Variants in SAMMSON observed in about 807,000 individuals in gnomAD.
SAMMSON encodes survival associated mitochondrial melanoma specific oncogenic non-coding RNA, also known as long intergenic non-protein coding RNA 1212.
chr3:70,049,632 CATT>C (rs1422466300), intron 3 of SAMMSON, among the ~76,000 whole-genome samples: 3 of 152,206 alleles, frequency 2.0e-5, no homozygotes, highest in South Asian at 4.1e-4. Flanking sequence ...TTATTATCAT[CATT>C]ATTGTTGTCA....
chr3:70,416,804 T>C lies in SAMMSON; in HGVS notation n.234-45756T>C, dbSNP rs563614273. On this transcript the variant is annotated intron_variant and non_coding_transcript_variant, in intron 2 of 3. Transcript: ENST00000641053. ...AATTTTCCATAAAAAAGAATAAGTA[T>C]TTTAGTTGTAATGTTAGATATTACC... Among the ~76,000 whole-genome samples, 3 of 152,292 alleles carry C rather than the reference T, an allele frequency of 2.0e-5. No homozygotes were observed. The South Asian group carries it at 6.2e-4, about 32-fold the overall frequency.
At chr3:70,070,001 A>G (rs140964152) in intron 3 of SAMMSON, 192 of 152,224 alleles carry the variant, frequency 1.3e-3, no homozygotes, top group African/African-American at 4.5e-3. Flanking sequence ...TGTATTTTTG[A>G]ACCTTTCAGA....
At chr3:70,290,686 A>G (rs1169071858) in intron 6 of SAMMSON, among the ~76,000 whole-genome samples, 1 of 152,038 alleles carries the variant, frequency 6.6e-6, no homozygotes, top group Non-Finnish European at 1.5e-5. Context: ...GTTTGATCTC[A>G]GACTGCTGTG....
chr3:70,338,068 A>C (rs967328734), intron 7 of SAMMSON, among the ~76,000 whole-genome samples: 1 of 151,532 alleles, frequency 6.6e-6, no homozygotes, highest in African/African-American at 2.4e-5. Flanking sequence ...TTTCAAATAT[A>C]TTTATTATAT....
chr3:70,180,257 T>G (rs1208038499), intron 4 of SAMMSON, among the ~76,000 whole-genome samples: 1 of 152,076 alleles, frequency 6.6e-6, no homozygotes, highest in African/African-American at 2.4e-5. Flanking sequence ...TTATGGGGTT[T>G]TGTGAAGATT....
intron 4 of SAMMSON, among the ~76,000 whole-genome samples, chr3:70,149,662 G>C (rs531078382): frequency 5.9e-5 from 9 of 152,056 alleles, no homozygotes; most frequent in Admixed American, 5.9e-4. Flanking sequence ...ATTTCAAGCG[G>C]GGCTCTGGAC....
chr3:70,018,916 T>C (rs1198739627), intron 3 of SAMMSON, among the ~76,000 whole-genome samples: 1 of 152,266 alleles, frequency 6.6e-6, no homozygotes, highest in Non-Finnish European at 1.5e-5. Flanking sequence ...TAATCCTGAG[T>C]TCTAGTTTGA....
exon 5 of SAMMSON, chr3:70,249,111 G>A (rs1250755760): frequency 1.3e-5 from 2 of 152,200 alleles, no homozygotes; most frequent in Non-Finnish European, 2.9e-5. Flanking sequence ...TTTAAGGTGT[G>A]CTTCCTGAGG....
intron 3 of SAMMSON, among the ~76,000 whole-genome samples, chr3:70,053,035 A>C (rs956914371): frequency 6.6e-6 from 1 of 152,148 alleles, no homozygotes; most frequent in Non-Finnish European, 1.5e-5. Context: ...AGTGCTCTGA[A>C]AAGCAGAGCA....
chr3:70,090,644 G>A (rs2067301671), intron 4 of SAMMSON, among the ~76,000 whole-genome samples: 1 of 151,680 alleles, frequency 6.6e-6, no homozygotes, highest in South Asian at 2.1e-4. Context: ...AAACATTTAT[G>A]TAGAACACCA....
chr3:70,297,697 A>G (rs926219761), intron 7 of SAMMSON, among the ~76,000 whole-genome samples: 1 of 152,044 alleles, frequency 6.6e-6, no homozygotes, highest in South Asian at 2.1e-4. Context: ...TTCCTTAAGC[A>G]TTTGTTTATT....
At chr3:70,027,311 T>C (rs2067044915) in intron 3 of SAMMSON, among the ~76,000 whole-genome samples, 1 of 152,210 alleles carries the variant, frequency 6.6e-6, no homozygotes, top group Non-Finnish European at 1.5e-5. Flanking sequence ...GACTAATTAA[T>C]TGTGACTCAA....
chr3:70,205,465 C>T (rs1282637866), intron 4 of SAMMSON: 1 of 152,106 alleles, frequency 6.6e-6, no homozygotes, highest in African/African-American at 2.4e-5. Flanking sequence ...TAGAAATCTT[C>T]CTTACTTTCT....
chr3:70,274,090 TGC>T (rs1187285721), intron 6 of SAMMSON, among the ~76,000 whole-genome samples: 12,919 of 144,668 alleles, frequency 0.089, 708 homozygotes, highest in East Asian at 0.24. Flanking sequence ...TGTGTGTGTG[TGC>T]GCGCGCGCAT....
chr3:70,249,996 G>A (rs1701745312), intron 6 of SAMMSON, among the ~76,000 whole-genome samples: 1 of 152,128 alleles, frequency 6.6e-6, no homozygotes, highest in African/African-American at 2.4e-5. Flanking sequence ...AGCTATTTTG[G>A]TGTAAAATCT....
At chr3:70,275,070 C>T (rs1187957967) in intron 6 of SAMMSON, among the ~76,000 whole-genome samples, 1 of 152,184 alleles carries the variant, frequency 6.6e-6, no homozygotes, top group Admixed American at 6.5e-5. Flanking sequence ...TATAAGCCTG[C>T]AGCTGTTATT....
At chr3:70,372,048 T>C (rs1702974764) in intron 9 of SAMMSON, among the ~76,000 whole-genome samples, 1 of 152,154 alleles carries the variant, frequency 6.6e-6, no homozygotes, top group East Asian at 1.9e-4. Flanking sequence ...CATAAGACAG[T>C]GTTGCATTTC....
At chr3:70,173,677 C>G (rs1215090705) in intron 4 of SAMMSON, among the ~76,000 whole-genome samples, 1 of 151,738 alleles carries the variant, frequency 6.6e-6, no homozygotes, top group Non-Finnish European at 1.5e-5. Context: ...TGATCACGAG[C>G]CAAAATGACA....
chr3:70,116,847 A>G (rs896655253), intron 4 of SAMMSON, among the ~76,000 whole-genome samples: 1 of 152,250 alleles, frequency 6.6e-6, no homozygotes, highest in South Asian at 2.1e-4. Flanking sequence ...CTATTCAATG[A>G]ATAATTTACT....
Sources: allele counts gnomAD v4.1 joint callset (sites outside exome capture counted in the v4.1 genomes callset), GRCh38; gene constraint gnomAD v4.1.1; transcripts MANE v1.5; gene names NCBI Gene and HGNC (gene_info 2026-07-23, HGNC 2026-07-21).